The following CTNNA2 variants were observed in gnomAD, a reference collection of about 807,000 sequenced individuals.
CTNNA2 encodes catenin alpha-2.
A neutral mutation model predicts 101.0 loss-of-function variants in CTNNA2; 42 were observed. The observed-to-expected ratio is 0.42, with a 90% CI of 0.32 to 0.54. The LOEUF is 0.54. Among genes scored for constraint, CTNNA2 ranks in the 20% least tolerant of loss-of-function variants. The probability of loss-of-function intolerance (pLI) is 0.14; values close to 1 mark genes in which losing one functional copy is unlikely to be tolerated. For synonymous variants in CTNNA2, 450 were observed against 456.4 expected, an observed-to-expected ratio of 0.99 and a Z score of 0.18; for missense variants, 871 against 1,223.1, an observed-to-expected ratio of 0.71 and a Z score of 4.29.
In CTNNA2 at chr2:79,850,249, C is replaced by T. The variant is rs192965019; in HGVS notation, c.299-7764C>T. On this transcript the variant is annotated intron_variant, in intron 3 of 18. Coordinates refer to ENST00000402739, the MANE Select transcript of CTNNA2 (RefSeq NM_001282597.3). ...CCTCTGTATCTCTCTCCCTCTGTTT[C>T]TCTCTCCCTCCCTTTCTCCTTCCCT... Among the ~76,000 whole-genome samples, 3 of 143,908 alleles carry T rather than the reference C, an allele frequency of 2.1e-5. No homozygotes were observed. In the East Asian group the frequency reaches 6.6e-4, roughly 32 times the overall value. The allele number at this position is 143,908 out of a possible 152,430, so 94.4% of individuals were successfully genotyped here. A position where few individuals can be genotyped will look rare whatever the true frequency, so the allele number is the denominator to read the frequency against.
intron 4 of CTNNA2, among the ~76,000 whole-genome samples, chr2:79,467,047 GAGA>G (rs1336257179): frequency 2.6e-5 from 4 of 152,198 alleles, no homozygotes; most frequent in Non-Finnish European, 5.9e-5. Flanking sequence ...TAAGAGTTGA[GAGA>G]AGAAGGCTTC....
rs3040539 is a variant in CTNNA2, at chr2:80,343,407, T to TA, written c.1057-49787dup. Among the ~76,000 whole-genome samples, 1,053 of 117,480 alleles carry TA rather than the reference T, an allele frequency of 9.0e-3. 10 individuals carry two copies. The highest frequency in any genetic ancestry group is 0.032 in the Middle Eastern group (6 of 190). The allele number at this position is 117,480 out of a possible 152,430, so 77.1% of individuals were successfully genotyped here. ...TCATTTTCCATCTGGTGACTTTTGA[T>TA]AAAAAAAAAAAAAAAAACACATAAA... On this transcript the variant is annotated intron_variant, in intron 7 of 18. Coordinates refer to ENST00000402739, the MANE Select transcript of CTNNA2 (RefSeq NM_001282597.3).
intron 7 of CTNNA2, among the ~76,000 whole-genome samples, chr2:79,985,159 G>T (rs75589857): frequency 0.017 from 2,650 of 152,256 alleles, 92 homozygotes; most frequent in African/African-American, 0.06. Context: ...CCTGCAGGCT[G>T]ATCTGTAGCC....
chr2:79,936,820 C>T (rs1687824118), intron 7 of CTNNA2, among the ~76,000 whole-genome samples: 1 of 152,056 alleles, frequency 6.6e-6, no homozygotes. Context: ...TTAGAGGAGG[C>T]CTGTGCAGAT....
intron 1 of CTNNA2, among the ~76,000 whole-genome samples, chr2:79,626,024 A>C (rs1433968840): frequency 6.6e-6 from 1 of 152,054 alleles, no homozygotes; most frequent in Non-Finnish European, 1.5e-5. Context: ...GGGTGGTTGT[A>C]GGTGTGTGTT....
intron 8 of CTNNA2, among the ~76,000 whole-genome samples, chr2:80,393,689 T>C (rs2149367803): frequency 6.6e-6 from 1 of 152,344 alleles, no homozygotes; most frequent in South Asian, 2.1e-4. Flanking sequence ...TAATGAGAAA[T>C]ACAACTCTTA....
intron 2 of CTNNA2, among the ~76,000 whole-genome samples, chr2:79,706,703 AG>A (rs1342607053): frequency 1.3e-5 from 2 of 152,210 alleles, no homozygotes; most frequent in African/African-American, 4.8e-5. Flanking sequence ...GAGTACAAGC[AG>A]GGACTTGAAA....
intron 7 of CTNNA2, among the ~76,000 whole-genome samples, chr2:80,359,056 G>GA (rs1330362186): frequency 1.3e-5 from 2 of 151,420 alleles, no homozygotes; most frequent in Admixed American, 1.3e-4. Flanking sequence ...GCTCACTAAT[G>GA]AAAAAAACAA....
chr2:79,850,594 A>T (rs980396479), intron 3 of CTNNA2, among the ~76,000 whole-genome samples: 1 of 152,230 alleles, frequency 6.6e-6, no homozygotes, highest in South Asian at 2.1e-4. Flanking sequence ...TAAAATAAAG[A>T]TATTTCTAAA....
intron 18 of CTNNA2, among the ~76,000 whole-genome samples, chr2:80,644,590 TTGTGC>T (rs1673854489): frequency 6.6e-6 from 1 of 152,198 alleles, no homozygotes; most frequent in Admixed American, 6.5e-5. Flanking sequence ...AGAATTGTGA[TTGTGC>T]TGATAATGAT....
intron 3 of CTNNA2, among the ~76,000 whole-genome samples, chr2:79,786,114 A>C (rs913247542): frequency 6.6e-6 from 1 of 152,080 alleles, no homozygotes; most frequent in Non-Finnish European, 1.5e-5. Context: ...AAATATGAAA[A>C]TGTTTGAAAA....
rs566086010 is a variant in CTNNA2 at position 80,344,237 on chromosome 2, A to G, written c.1057-48974A>G. On this transcript the variant is annotated intron_variant, in intron 7 of 18. Coordinates refer to ENST00000402739, the MANE Select transcript of CTNNA2 (RefSeq NM_001282597.3). ...ATGGATTTCTTTTTTTTCATTCCAT[A>G]TTAGGTCCTTCTCATCTCCCTGATC... Among the ~76,000 whole-genome samples, 8 of 152,024 alleles carry G rather than the reference A, an allele frequency of 5.3e-5. No homozygotes were observed. In the South Asian group the frequency reaches 1.7e-3, roughly 32 times the overall value.
chr2:80,169,957 G>C (rs1012156639), intron 7 of CTNNA2, among the ~76,000 whole-genome samples: 9 of 152,178 alleles, frequency 5.9e-5, no homozygotes, highest in Non-Finnish European at 8.8e-5. Context: ...TACCTGGCAT[G>C]GTGTTAGAAC....
chr2:80,419,147 A>G (rs985639255), intron 8 of CTNNA2, among the ~76,000 whole-genome samples: 5 of 152,236 alleles, frequency 3.3e-5, no homozygotes, highest in African/African-American at 1.2e-4. Context: ...ATGATTCAAA[A>G]CATCCAGAAG....
At chr2:79,922,356 T>G (rs1273254601) in intron 7 of CTNNA2, among the ~76,000 whole-genome samples, 2 of 152,172 alleles carry the variant, frequency 1.3e-5, no homozygotes, top group African/African-American at 4.8e-5. Flanking sequence ...CACTTGGGTG[T>G]TAGGAGGGAT....
intron 2 of CTNNA2, among the ~76,000 whole-genome samples, chr2:79,310,861 T>C (rs966218369): frequency 2.6e-5 from 4 of 152,192 alleles, no homozygotes; most frequent in South Asian, 2.1e-4. Flanking sequence ...ATAACATAAT[T>C]GTTCTTCATT....
At chr2:80,406,187 C>G (rs552186255) in intron 8 of CTNNA2, among the ~76,000 whole-genome samples, 6 of 152,116 alleles carry the variant, frequency 3.9e-5, no homozygotes, top group Non-Finnish European at 8.8e-5. Flanking sequence ...GAAACCCCAT[C>G]TCTACTAAAA....
chr2:80,598,455 T>TA (rs1247319384), intron 15 of CTNNA2, among the ~76,000 whole-genome samples: 1 of 151,566 alleles, frequency 6.6e-6, no homozygotes, highest in African/African-American at 2.4e-5. Context: ...GCGTAGAACT[T>TA]AAAGTATAAA....
intron 2 of CTNNA2, among the ~76,000 whole-genome samples, chr2:79,263,804 C>A (rs146485074): frequency 6.6e-6 from 1 of 152,286 alleles, no homozygotes; most frequent in Admixed American, 6.5e-5. Context: ...TCCCCAGATG[C>A]AGCCCCTCGA....
Sources: gnomAD v4.1 joint callset for allele counts (sites outside exome capture counted in the v4.1 genomes callset) on GRCh38, gnomAD v4.1.1 for gene constraint, MANE v1.5 for transcripts, NCBI Gene and HGNC (gene_info 2026-07-23, HGNC 2026-07-21) for gene names.